Variants in SEMA3A observed in about 807,000 individuals in gnomAD.
SEMA3A encodes the protein semaphorin 3A, also known as semaphorin-3A.
A neutral mutation model predicts 97.9 loss-of-function variants in SEMA3A; 29 were observed. The observed-to-expected ratio is 0.30, with a 90% CI of 0.22 to 0.40. The LOEUF (loss-of-function observed/expected upper bound fraction) is 0.40, where lower values mean the gene tolerates loss of function less well. Among genes scored for constraint, SEMA3A ranks in the 10% least tolerant of loss-of-function variants. SEMA3A has a pLI of 1.00. For missense variants in SEMA3A, 763 were observed against 951.3 expected (o/e 0.80, Z 2.60); for synonymous variants, 321 against 323.7 (o/e 0.99, Z 0.09).
Position 84,060,475 on chromosome 7 carries a change from G to T in SEMA3A, c.537C>A (p.Ser179=). 6.3e-7 allele frequency: 1 copy of T among 1,582,726 alleles called. No individual in the cohort carries two copies. Among genetic ancestry groups the T allele is most frequent in the Non-Finnish European group, 8.6e-7 (1 of 1,168,180 alleles). Residue 179 remains serine (S), a synonymous_variant, in exon 5 of 17, where the codon TCC becomes TCA. Transcript: ENST00000265362. ...SPYDPKLLTA[S]LLIDGELYSG... ...TTGTTGACTACGCACCTATTAAAAG[G>T]GATGCTGTCAGCAGCTTAGGGTCAT... is the stretch of plus-strand genomic sequence containing the variant.
chr7:84,099,858 A>T (rs1794904537), intron 4 of SEMA3A, among the ~76,000 whole-genome samples: 1 of 152,120 alleles, frequency 6.6e-6, no homozygotes, highest in African/African-American at 2.4e-5. Context: ...TGTTATGTAT[A>T]TGTCTATTAA....
chr7:84,370,055 G>T (rs1802938912), intron 2 of SEMA3A, among the ~76,000 whole-genome samples: 1 of 151,200 alleles, frequency 6.6e-6, no homozygotes, highest in East Asian at 1.9e-4. Context: ...TGAATGAATA[G>T]GTTAACCTGA....
chr7:84,222,355 T>C (rs1798900845), intron 3 of SEMA3A, among the ~76,000 whole-genome samples: 1 of 151,914 alleles, frequency 6.6e-6, no homozygotes, highest in South Asian at 2.1e-4. Flanking sequence ...AATACCTAGA[T>C]GCAAGACAGG....
intron 2 of SEMA3A, among the ~76,000 whole-genome samples, chr7:84,330,674 G>T (rs1055746551): frequency 1.3e-5 from 2 of 151,926 alleles, no homozygotes; most frequent in African/African-American, 4.8e-5. Flanking sequence ...GTGGTACATG[G>T]GATATGGTAG....
At chr7:84,166,999 G>C (rs1421071189) in intron 1 of SEMA3A, among the ~76,000 whole-genome samples, 1 of 53,976 alleles carries the variant, frequency 1.9e-5, no homozygotes, top group Non-Finnish European at 4.9e-5. Flanking sequence ...CTATCATATA[G>C]TGAGTGTTGA....
At chr7:84,046,544 C>T in intron 5 of SEMA3A, 101 bp from the exon 6 acceptor site, 1 of 1,377,268 alleles carries the variant, frequency 7.3e-7, no homozygotes, top group South Asian at 1.3e-5. Context: ...TATGACCATG[C>T]TAAGAGGAAA....
In SEMA3A at chr7:84,143,950, A is replaced by AACACAC. The variant is rs796470836; in HGVS notation, c.113-9005_113-9000dup. 6.2e-3 allele frequency among the ~76,000 whole-genome samples: 587 copies of AACACAC among 94,634 alleles called. 11 individuals are homozygous for AACACAC. Among genetic ancestry groups the AACACAC allele is most frequent in the African/African-American group, 0.015 (417 of 28,496 alleles). The allele number at this position is 94,634 out of a possible 152,430, so 62.1% of individuals were successfully genotyped here. ...TCTCTCTCTCTCTCTCTCTCTCTCT[A>AACACAC]ACACACACACACACACACACACACA... On this transcript the variant is annotated intron_variant, in intron 1 of 16. Transcript: ENST00000265362.
At chr7:84,300,286 A>C (rs1365129049) in intron 3 of SEMA3A, among the ~76,000 whole-genome samples, 1 of 152,168 alleles carries the variant, frequency 6.6e-6, no homozygotes, top group Admixed American at 6.5e-5. Flanking sequence ...ACACATATAC[A>C]CATCTTGATA....
At chr7:83,988,136 A>G (rs1789714389) in intron 12 of SEMA3A, among the ~76,000 whole-genome samples, 1 of 152,076 alleles carries the variant, frequency 6.6e-6, no homozygotes, top group South Asian at 2.1e-4. Context: ...CACTCCTAAC[A>G]TATTTACTGT....
At chr7:83,995,032 A>C (rs976875317) in intron 12 of SEMA3A, among the ~76,000 whole-genome samples, 5 of 152,072 alleles carry the variant, frequency 3.3e-5, no homozygotes, top group Non-Finnish European at 7.4e-5. Flanking sequence ...GCCGTTTTTT[A>C]AGCCCGTCGG....
chr7:84,321,741 T>C (rs1185456981), intron 2 of SEMA3A, among the ~76,000 whole-genome samples: 1 of 151,092 alleles, frequency 6.6e-6, no homozygotes, highest in African/African-American at 2.4e-5. Context: ...CCGGGCGTGG[T>C]GGCGCACGCC....
intron 6 of SEMA3A, among the ~76,000 whole-genome samples, chr7:84,036,893 T>C (rs1017792801): frequency 6.6e-6 from 1 of 152,124 alleles, no homozygotes; most frequent in African/African-American, 2.4e-5. Context: ...CTTAAGTATG[T>C]ATCACCTGTA....
chr7:84,001,219 A>T (rs1584530500), intron 12 of SEMA3A, among the ~76,000 whole-genome samples: 1 of 152,130 alleles, frequency 6.6e-6, no homozygotes, highest in African/African-American at 2.4e-5. Context: ...TATTTCTATT[A>T]GCTGACTTCC....
chr7:84,178,262 T>C (rs1477801220), intron 1 of SEMA3A, among the ~76,000 whole-genome samples: 1 of 152,126 alleles, frequency 6.6e-6, no homozygotes, highest in Non-Finnish European at 1.5e-5. Flanking sequence ...TAACACTTAT[T>C]GTCTATTCAG....
intron 1 of SEMA3A, among the ~76,000 whole-genome samples, chr7:84,406,538 A>C (rs1397625461): frequency 1.3e-5 from 2 of 152,210 alleles, no homozygotes; most frequent in African/African-American, 4.8e-5. Context: ...AATCCTCCCT[A>C]ACTCATTTTA....
intron 2 of SEMA3A, among the ~76,000 whole-genome samples, chr7:84,330,994 AG>A (rs1366829564): frequency 6.6e-6 from 1 of 152,150 alleles, no homozygotes; most frequent in Non-Finnish European, 1.5e-5. Context: ...ATACACTGTT[AG>A]GTTTTATAGA....
At chr7:84,224,026 G>T (rs567070808) in intron 3 of SEMA3A, among the ~76,000 whole-genome samples, 72 of 151,948 alleles carry the variant, frequency 4.7e-4, no homozygotes, top group Middle Eastern at 3.4e-3. Flanking sequence ...TTAAAAAGGG[G>T]TTAATAGGAT....
At chr7:84,055,143 A>C (rs925135872) in intron 5 of SEMA3A, among the ~76,000 whole-genome samples, 6 of 151,994 alleles carry the variant, frequency 3.9e-5, no homozygotes, top group Admixed American at 3.9e-4. Context: ...TGCAGAGGTT[A>C]CTGCTGTCTT....
chr7:83,977,877 C>T (rs1789225878), intron 14 of SEMA3A, among the ~76,000 whole-genome samples: 1 of 150,056 alleles, frequency 6.7e-6, no homozygotes, highest in Non-Finnish European at 1.5e-5. Context: ...GATCTCGGCT[C>T]ACTGCAAGCT....
Sources: allele counts gnomAD v4.1 joint callset (sites outside exome capture counted in the v4.1 genomes callset), GRCh38; gene constraint gnomAD v4.1.1; transcripts MANE v1.5; gene names NCBI Gene and HGNC (gene_info 2026-07-23, HGNC 2026-07-21).